The following TINAG variants were observed in gnomAD, a reference collection of about 807,000 sequenced individuals.
TINAG encodes the protein tubulointerstitial nephritis antigen.
A neutral mutation model predicts 72.7 loss-of-function variants in TINAG; 83 were observed. The ratio of observed to expected loss-of-function variants is 1.14; its 90% CI spans 0.96 to 1.37. The LOEUF (loss-of-function observed/expected upper bound fraction) is 1.37, where lower values mean the gene tolerates loss of function less well. Among genes scored for constraint, TINAG ranks in the 40% most tolerant of loss-of-function variants. TINAG has a pLI of 0.00. For missense variants in TINAG, 685 were observed against 576.6 expected (o/e 1.19, Z -1.93); for synonymous variants, 234 against 189.9 (o/e 1.23, Z -1.91).
intron 9 of TINAG, among the ~76,000 whole-genome samples, chr6:54,371,417 T>C (rs554763161): frequency 6.6e-6 from 1 of 152,176 alleles, no homozygotes; most frequent in South Asian, 2.1e-4. Flanking sequence ...ATACTTTCTT[T>C]AGTTTTTAAA....
intron 1 of TINAG, among the ~76,000 whole-genome samples, chr6:54,316,729 AT>A (rs1342744487): frequency 6.6e-6 from 1 of 152,192 alleles, no homozygotes; most frequent in Admixed American, 6.6e-5. Flanking sequence ...GTGATGAACT[AT>A]TTTAAAATAA....
intron 5 of TINAG, among the ~76,000 whole-genome samples, chr6:54,346,336 A>G (rs939600239): frequency 6.6e-6 from 1 of 152,016 alleles, no homozygotes; most frequent in African/African-American, 2.4e-5. Flanking sequence ...TGTTGAGGAA[A>G]GGAATGAACT....
At chr6:54,308,193 G>T, upstream of TINAG, 1 of 1,407,580 alleles carries the variant, frequency 7.1e-7, no homozygotes, top group Non-Finnish European at 9.8e-7. Context: ...ATTCTAAGGA[G>T]GCTTTCGATT....
At chr6:54,345,438 T>A (rs908389582) in intron 5 of TINAG, among the ~76,000 whole-genome samples, 2 of 152,144 alleles carry the variant, frequency 1.3e-5, no homozygotes, top group African/African-American at 2.4e-5. Flanking sequence ...ATAGGTAAAG[T>A]GGCTTATCTG....
chr6:54,379,683 G>C (rs1163827483), intron 9 of TINAG, among the ~76,000 whole-genome samples: 3 of 151,968 alleles, frequency 2.0e-5, no homozygotes, highest in African/African-American at 7.2e-5. Flanking sequence ...GTTTCAAGGG[G>C]CTAGACATAA....
chr6:54,326,913 G>A lies in TINAG; in HGVS notation c.621G>A (p.Met207Ile). ...CCATGCTCCTGAGCATGAATGAAAT[G>A]ACAGTAAGTGTTCCTTCTGATTCAC... ...PSPMLLSMNE[M>I]TASLPATTDL... Residue 207 changes from methionine (M) to isoleucine (I), a missense_variant, in exon 4 of 11, where the codon ATG becomes ATA. Coordinates refer to ENST00000259782, the MANE Select transcript of TINAG (RefSeq NM_014464.4). 1 of 1,613,130 alleles carries A rather than the reference G, an allele frequency of 6.2e-7. No homozygotes were observed.
rs142411965 is a variant in TINAG, at chr6:54,359,197, T to C, written c.1250+4561T>C. On this transcript the variant is annotated intron_variant, in intron 9 of 10. Coordinates refer to ENST00000259782, the MANE Select transcript of TINAG (RefSeq NM_014464.4). ...GGGCTTTTTAGGAAGGTAAATGGAA[T>C]AAAATGTCTTAACAGTGTCACTGTA... 5.7e-3 allele frequency among the ~76,000 whole-genome samples: 873 copies of C among 151,968 alleles called. 7 individuals are homozygous for C. Among genetic ancestry groups the C allele is most frequent in the Non-Finnish European group, 8.3e-3 (563 of 67,872 alleles).
chr6:54,383,619 T>G lies in TINAG; in HGVS notation c.1296+3048T>G, dbSNP rs151083711. On this transcript the variant is annotated intron_variant, in intron 10 of 10. Transcript: ENST00000259782. ...TGTTTGAGTTAAATTATGAGACAAG[T>G]GAAGCAGAAAGATGTGACCAGCAAC... Among the ~76,000 whole-genome samples, 67 of 152,104 alleles carry G rather than the reference T, an allele frequency of 4.4e-4. 1 individual carries two copies. Among genetic ancestry groups the G allele is most frequent in the African/African-American group, 1.5e-3 (62 of 41,502 alleles).
chr6:54,326,926 C>T lies in TINAG; in HGVS notation c.624+10C>T. 1 of 1,612,902 alleles carries T rather than the reference C, an allele frequency of 6.2e-7. No homozygotes were observed. The highest frequency in any genetic ancestry group is 8.5e-7 in the Non-Finnish European group (1 of 1,179,720). On this transcript the variant is annotated intron_variant, in intron 4 of 10. Transcript: ENST00000259782. ...CATGAATGAAATGACAGTAAGTGTT[C>T]CTTCTGATTCACGTATGTGCATGTA...
chr6:54,379,477 C>A (rs950040025), intron 9 of TINAG, among the ~76,000 whole-genome samples: 3 of 152,112 alleles, frequency 2.0e-5, no homozygotes, highest in Non-Finnish European at 4.4e-5. Flanking sequence ...GAAATATAAG[C>A]TTCTGTATCC....
intron 7 of TINAG, among the ~76,000 whole-genome samples, 181 bp from the exon 8 acceptor site, chr6:54,351,171 A>G (rs1217833282): frequency 6.6e-6 from 1 of 152,044 alleles, no homozygotes; most frequent in Admixed American, 6.6e-5. Flanking sequence ...TTAGTGATAA[A>G]TGTCATTAAA....
At chr6:54,358,650 T>A (rs918486771) in intron 9 of TINAG, among the ~76,000 whole-genome samples, 1 of 151,840 alleles carries the variant, frequency 6.6e-6, no homozygotes, top group African/African-American at 2.4e-5. Flanking sequence ...CCTTTGCTGT[T>A]ATCCTGGGAG....
chr6:54,349,571 G>C, intron 6 of TINAG, 145 bp from the exon 7 acceptor site: 1 of 574,236 alleles, frequency 1.7e-6, no homozygotes, highest in Non-Finnish European at 2.8e-6. Flanking sequence ...GAGCTTCTGT[G>C]TTGGAGTCAC....
At chr6:54,337,777 G>T (rs1396595315) in intron 4 of TINAG, among the ~76,000 whole-genome samples, 1 of 152,098 alleles carries the variant, frequency 6.6e-6, no homozygotes, top group Non-Finnish European at 1.5e-5. Flanking sequence ...ATGAACATAA[G>T]GCAAATGGCA....
chr6:54,337,626 A>G (rs73444727), intron 4 of TINAG, among the ~76,000 whole-genome samples: 2,837 of 152,272 alleles, frequency 0.019, 76 homozygotes, highest in African/African-American at 0.064. Flanking sequence ...TTGCAATACC[A>G]TATGTCACCC....
chr6:54,324,067 G>T (rs1784551679), intron 3 of TINAG, among the ~76,000 whole-genome samples: 1 of 152,162 alleles, frequency 6.6e-6, no homozygotes, highest in African/African-American at 2.4e-5. Context: ...GAGAATAGAA[G>T]CTGTAAATTA....
chr6:54,325,092 G>A (rs1784573631), intron 3 of TINAG, among the ~76,000 whole-genome samples: 2 of 152,108 alleles, frequency 1.3e-5, no homozygotes, highest in Admixed American at 1.3e-4. Context: ...TTAAACAAAT[G>A]CTCTCTTCTT....
rs572233432 is a variant in TINAG at position 54,386,184 on chromosome 6, C to A, written c.1297-3607C>A. On this transcript the variant is annotated intron_variant, in intron 10 of 10. Coordinates refer to ENST00000259782, the MANE Select transcript of TINAG (RefSeq NM_014464.4). The stretch of plus-strand genomic sequence containing the variant: ...GGAATTACAGGCGTGAGCCAGTGAA[C>A]CCGGCTTGAATATCTTAATTGGTGC... Among the ~76,000 whole-genome samples the A allele has an allele frequency of 2.0e-5, 3 of 152,214 alleles. No individual in the cohort carries two copies. The East Asian group carries it at 5.8e-4, about 29-fold the overall frequency.
chr6:54,360,468 A>C (rs1763192481), intron 9 of TINAG, among the ~76,000 whole-genome samples: 3 of 151,682 alleles, frequency 2.0e-5, no homozygotes. Context: ...TATCAACAAA[A>C]TATGGTATTT....
Sources: gnomAD v4.1 joint callset for allele counts (sites outside exome capture counted in the v4.1 genomes callset) on GRCh38, gnomAD v4.1.1 for gene constraint, MANE v1.5 for transcripts, NCBI Gene and HGNC (gene_info 2026-07-23, HGNC 2026-07-21) for gene names.